The following SRGAP2B variants were observed in gnomAD, a reference collection of about 807,000 sequenced individuals.
SRGAP2B encodes the protein SLIT-ROBO Rho GTPase activating protein 2B.
SRGAP2B carries 9 observed loss-of-function variants against 22.2 expected under a neutral mutation model. That is an observed-to-expected ratio of 0.41 (90% CI 0.24 to 0.71). SRGAP2B has a LOEUF of 0.71. Ranked by LOEUF, SRGAP2B falls within the 30% of genes least tolerant of loss-of-function variation. The pLI, the probability that SRGAP2B is intolerant of heterozygous loss-of-function variation, is 0.35. For missense variants in SRGAP2B, 114 were observed against 235.8 expected, an observed-to-expected ratio of 0.48 and a Z score of 3.38; for synonymous variants, 36 against 87.4, an observed-to-expected ratio of 0.41 and a Z score of 3.28.
intron 4 of SRGAP2B, among the ~76,000 whole-genome samples, chr1:144,932,721 T>G (rs1162655234): frequency 4.4e-5 from 5 of 113,268 alleles, no homozygotes; most frequent in Admixed American, 3.9e-4. Flanking sequence ...TCATCAGTAC[T>G]GTTTCTAGAA....
chr1:144,913,961 T>C (rs1488575270), intron 5 of SRGAP2B, among the ~76,000 whole-genome samples: 2 of 150,288 alleles, frequency 1.3e-5, no homozygotes, highest in African/African-American at 2.5e-5. Context: ...TTGGTGTGTA[T>C]GTGTGTGAGT....
intron 2 of SRGAP2B, among the ~76,000 whole-genome samples, chr1:145,009,091 G>A (rs1398782505): frequency 6.9e-6 from 1 of 145,536 alleles, no homozygotes. Context: ...GCAGGAGAAT[G>A]GCGTGAACCT....
intron 3 of SRGAP2B, among the ~76,000 whole-genome samples, chr1:144,990,776 G>A (rs1209838930): frequency 5.9e-5 from 9 of 151,268 alleles, no homozygotes; most frequent in Non-Finnish European, 1.0e-4. Context: ...CCGGGCAATG[G>A]GGGACTTAGC....
At chr1:144,971,052 A>G (rs1553613155) in intron 3 of SRGAP2B, among the ~76,000 whole-genome samples, 1 of 150,816 alleles carries the variant, frequency 6.6e-6, no homozygotes, top group Non-Finnish European at 1.5e-5. Flanking sequence ...GAAAAGACAA[A>G]TACATCTCAA....
chr1:144,996,136 A>G (rs1191663283), intron 2 of SRGAP2B, among the ~76,000 whole-genome samples: 2 of 151,332 alleles, frequency 1.3e-5, no homozygotes, highest in East Asian at 3.9e-4. Flanking sequence ...ATCTGCCTCA[A>G]ATGCAGCACT....
intron 4 of SRGAP2B, among the ~76,000 whole-genome samples, chr1:144,953,670 G>T (rs1259842190): frequency 3.3e-5 from 5 of 150,952 alleles, no homozygotes; most frequent in Middle Eastern, 3.4e-3. Flanking sequence ...GAAGAGCCAG[G>T]AACACTCGTG....
chr1:145,020,489 A>T (rs1672723157), intron 2 of SRGAP2B, among the ~76,000 whole-genome samples: 1 of 146,126 alleles, frequency 6.8e-6, no homozygotes, highest in African/African-American at 2.6e-5. Flanking sequence ...TTAAAAAGCA[A>T]CTCCCCTCAC....
chr1:144,959,637 ATTTTTATTTT>A (rs1553610961), intron 3 of SRGAP2B, among the ~76,000 whole-genome samples: 1 of 13,178 alleles, frequency 7.6e-5, no homozygotes, highest in Non-Finnish European at 1.5e-4. Flanking sequence ...TCTATGCAAG[ATTTTTATTTT>A]AAAAAAGGAG....
intron 4 of SRGAP2B, among the ~76,000 whole-genome samples, chr1:144,930,562 T>G (rs1366212903): frequency 6.7e-6 from 1 of 149,464 alleles, no homozygotes; most frequent in Middle Eastern, 3.2e-3. Flanking sequence ...AAGCTCTATA[T>G]GGGGCCATCT....
intron 2 of SRGAP2B, among the ~76,000 whole-genome samples, chr1:145,076,504 C>A (rs587670322): frequency 6.7e-6 from 1 of 150,256 alleles, no homozygotes; most frequent in East Asian, 1.9e-4. Context: ...TGCACAACAA[C>A]CTGAATGAGT....
chr1:145,069,132 C>G (rs1651857566), intron 2 of SRGAP2B, among the ~76,000 whole-genome samples: 1 of 144,602 alleles, frequency 6.9e-6, no homozygotes, highest in African/African-American at 2.6e-5. Flanking sequence ...CTAAAAGAAG[C>G]TATAGAAATC....
intron 3 of SRGAP2B, among the ~76,000 whole-genome samples, chr1:144,967,209 C>T (rs1553612429): frequency 8.3e-6 from 1 of 120,842 alleles, no homozygotes. Flanking sequence ...CACCACACCA[C>T]ACCTATTCCA....
At chr1:145,022,573 G>A in intron 2 of SRGAP2B, among the ~76,000 whole-genome samples, 1 of 147,882 alleles carries the variant, frequency 6.8e-6, no homozygotes, top group Middle Eastern at 3.4e-3. Flanking sequence ...GAACATCTGA[G>A]TATACCAGTC....
chr1:144,920,435 TTAATTTTTG>T (rs1326979440), intron 4 of SRGAP2B, among the ~76,000 whole-genome samples: 3 of 150,634 alleles, frequency 2.0e-5, no homozygotes, highest in Non-Finnish European at 4.4e-5. Flanking sequence ...AACACGCTGG[TTAATTTTTG>T]TAATTTTTGT....
rs1302957462 is a variant in SRGAP2B, at chr1:144,906,088, C to G, written c.487-14G>C. 2 of 708,364 alleles carry G rather than the reference C, an allele frequency of 2.8e-6. No individual in the cohort carries two copies. The highest frequency in any genetic ancestry group is 2.0e-5 in the African/African-American group (1 of 51,084). The allele number at this position is 708,364 out of a possible 1,614,324, so 43.9% of individuals were successfully genotyped here. On this transcript the variant is annotated splice_polypyrimidine_tract_variant and intron_variant, in intron 5 of 9. Coordinates refer to ENST00000612199, the Ensembl canonical transcript of SRGAP2B. ...TGTCTTCATGACCTGCAAGACATCG[C>G]CCACCCCCACCCCCAGAGGTCAAGC...
intron 2 of SRGAP2B, among the ~76,000 whole-genome samples, chr1:145,005,748 C>CA (rs1453727643): frequency 6.8e-6 from 1 of 147,182 alleles, no homozygotes; most frequent in African/African-American, 2.6e-5. Context: ...CCATAGACAG[C>CA]ATGTAGAATT....
intron 5 of SRGAP2B, among the ~76,000 whole-genome samples, chr1:144,912,173 C>T (rs1435100803): frequency 1.4e-5 from 2 of 146,860 alleles, no homozygotes; most frequent in South Asian, 2.1e-4. Flanking sequence ...AGGATGGTCT[C>T]GATCTCCTGA....
At chr1:144,975,868 CTTTTTTT>C (rs56268353) in intron 3 of SRGAP2B, among the ~76,000 whole-genome samples, 2 of 27,344 alleles carry the variant, frequency 7.3e-5, no homozygotes, top group African/African-American at 2.1e-4. Context: ...GTTAGTAATT[CTTTTTTT>C]TTTTTTTTTT....
intron 4 of SRGAP2B, among the ~76,000 whole-genome samples, chr1:144,934,176 G>A (rs1463037538): frequency 1.3e-5 from 2 of 150,458 alleles, no homozygotes; most frequent in East Asian, 2.0e-4. Flanking sequence ...AGGCCGAGGC[G>A]GGTGGATCAC....
Sources: allele counts gnomAD v4.1 joint callset (sites outside exome capture counted in the v4.1 genomes callset), GRCh38; gene constraint gnomAD v4.1.1; transcripts MANE v1.5; gene names NCBI Gene and HGNC (gene_info 2026-07-23, HGNC 2026-07-21).